GIMAP7: variants seen among roughly 807,000 people sequenced by gnomAD.
GIMAP7 encodes the protein GTPase, IMAP family member 7, also known as GTPase IMAP family member 7.
For synonymous variants in GIMAP7, 137 were observed against 129.3 expected (o/e 1.06, Z -0.40); for missense variants, 323 against 359.7 (o/e 0.90, Z 0.83).
intron 1 of GIMAP7, among the ~76,000 whole-genome samples, chr7:150,516,585 T>A (rs74866353): frequency 0.015 from 2,316 of 152,374 alleles, 18 homozygotes; most frequent in Non-Finnish European, 0.022. Context: ...TCATAATTTT[T>A]AAAATTGTTT....
chr7:150,516,940 G>A (rs2116661662), intron 1 of GIMAP7, among the ~76,000 whole-genome samples: 1 of 152,198 alleles, frequency 6.6e-6, no homozygotes, highest in East Asian at 1.9e-4. Flanking sequence ...CTCTCTTTTT[G>A]TGATGTTAGC....
chr7:150,515,704 C>T (rs955553884), intron 1 of GIMAP7, among the ~76,000 whole-genome samples: 2 of 151,924 alleles, frequency 1.3e-5, no homozygotes, highest in African/African-American at 4.8e-5. Context: ...GCTGGAGGTC[C>T]TCTGGATCTT....
chr7:150,515,846 C>T (rs553352872), intron 1 of GIMAP7, among the ~76,000 whole-genome samples: 16 of 152,282 alleles, frequency 1.1e-4, no homozygotes, highest in African/African-American at 3.6e-4. Flanking sequence ...GCCCTCCTCA[C>T]GGTTCCCTTA....
intron 1 of GIMAP7, among the ~76,000 whole-genome samples, chr7:150,518,825 G>A (rs1313407503): frequency 1.3e-5 from 2 of 151,992 alleles, no homozygotes; most frequent in Non-Finnish European, 1.5e-5. Flanking sequence ...GATAGTTTTT[G>A]CATTCAAATT....
Position 150,520,715 on chromosome 7 carries a change from G to T in GIMAP7, c.741G>T (p.Glu247Asp), listed in dbSNP as rs749072092. Residue 247 changes from glutamate (E) to aspartate (D), a missense_variant, in exon 2 of 2, where the codon GAG becomes GAT. By Grantham distance (45) the Glu-to-Asp change is conservative. Transcript: ENST00000313543. ...EDKHKSEEEK[E>D]KEIKLLKLKY... Reference sequence around the variant, plus strand: ...AGCATAAATCAGAGGAAGAAAAGGAGAAAGAAATTAAATTACTAAAATTAA... The same window carrying T: ...AGCATAAATCAGAGGAAGAAAAGGATAAAGAAATTAAATTACTAAAATTAA... 1 of 1,531,356 alleles carries T rather than the reference G, an allele frequency of 6.5e-7. No homozygotes were observed. The highest frequency in any genetic ancestry group is 8.9e-7 in the Non-Finnish European group (1 of 1,125,332). 94.9% of individuals were successfully genotyped at this position (1,531,356 alleles called of 1,614,324 possible).
intron 1 of GIMAP7, among the ~76,000 whole-genome samples, chr7:150,516,259 AT>A (rs1270436135): frequency 1.3e-5 from 2 of 152,168 alleles, no homozygotes; most frequent in Non-Finnish European, 2.9e-5. Context: ...ACATGGGTTA[AT>A]TTTTTTATTT....
Position 150,520,932 on chromosome 7 carries a change from TA to T in GIMAP7, c.*56del. 1.2e-6 allele frequency: 1 copy of T among 855,380 alleles called. No individual in the cohort carries two copies. The highest frequency in any genetic ancestry group is 1.7e-6 in the Non-Finnish European group (1 of 581,790). 53.0% of individuals were successfully genotyped at this position (855,380 alleles called of 1,614,324 possible). A position where few individuals can be genotyped will look rare whatever the true frequency, so the allele number is the denominator to read the frequency against. On this transcript the variant is annotated 3_prime_UTR_variant, in exon 2 of 2. Coordinates refer to ENST00000313543, the MANE Select transcript of GIMAP7 (RefSeq NM_153236.4). ...TATTTTGCAAAGATAGTTAGAGAAA[TA>T]CCTCCTTCCCCTTAGCTTTATTAAG...
chr7:150,520,610 G>C lies in GIMAP7; in HGVS notation c.636G>C (p.Arg212Ser), dbSNP rs115665615. 7 of 1,614,124 alleles carry C rather than the reference G, an allele frequency of 4.3e-6. No homozygotes were observed. The South Asian group carries it at 4.4e-5, about 10-fold the overall frequency. ...SDDIYKDTEE[R>S]LKQREEVLRK... is the part of the protein sequence containing the mutation. Reference sequence around the variant, plus strand: ...ACATATACAAGGACACAGAGGAAAGGCTGAAACAACGGGAAGAGGTTTTGA... The same window carrying C: ...ACATATACAAGGACACAGAGGAAAGCCTGAAACAACGGGAAGAGGTTTTGA... The change falls in exon 2 of 2, where the codon AGG becomes AGC. Residue 212 changes from arginine (R) to serine (S), a missense_variant. Arg to Ser is a moderately radical substitution (Grantham distance 110). Transcript: ENST00000313543.
rs60687169 is a variant in GIMAP7, at chr7:150,521,013, A to AATAT, written c.*150_*153dup. The stretch of plus-strand genomic sequence containing the variant: ...TTTAATGTATATAATGTGATTTTTA[A>AATAT]ATATATATATATATATACACACATT... On this transcript the variant is annotated 3_prime_UTR_variant, in exon 2 of 2. Coordinates refer to ENST00000313543, the MANE Select transcript of GIMAP7 (RefSeq NM_153236.4). The AATAT allele has an allele frequency of 0.016, 3,777 of 238,638 alleles. 126 individuals are homozygous for AATAT. Among genetic ancestry groups the AATAT allele is most frequent in the South Asian group, 0.086 (623 of 7,256 alleles). The allele number at this position is 238,638 out of a possible 1,614,324, so 14.8% of individuals were successfully genotyped here.
chr7:150,515,595 A>C (rs770021852), intron 1 of GIMAP7, among the ~76,000 whole-genome samples: 2 of 152,208 alleles, frequency 1.3e-5, no homozygotes, highest in African/African-American at 4.8e-5. Flanking sequence ...CTGGATCTCA[A>C]GGAGCTACGA....
At chr7:150,518,400 T>G (rs1253633461) in intron 1 of GIMAP7, among the ~76,000 whole-genome samples, 1 of 152,158 alleles carries the variant, frequency 6.6e-6, no homozygotes, top group Non-Finnish European at 1.5e-5. Context: ...AATAGTGATC[T>G]CTGAGAATTT....
intron 1 of GIMAP7, among the ~76,000 whole-genome samples, chr7:150,517,377 T>G (rs7808446): frequency 0.76 from 115,314 of 152,060 alleles, 43,893 homozygotes; most frequent in East Asian, 0.85. Context: ...AGTAATTTTT[T>G]ATAGCATCCC....
intron 1 of GIMAP7, among the ~76,000 whole-genome samples, 174 bp from the exon 2 acceptor site, chr7:150,519,760 C>A (rs1795167695): frequency 6.6e-6 from 1 of 152,178 alleles, no homozygotes; most frequent in Admixed American, 6.5e-5. Context: ...TAACTGCTTT[C>A]TCTATTATTT....
chr7:150,519,691 T>C (rs1403164938), intron 1 of GIMAP7, among the ~76,000 whole-genome samples: 1 of 152,202 alleles, frequency 6.6e-6, no homozygotes, highest in African/African-American at 2.4e-5. Flanking sequence ...CTTAAAAGGT[T>C]TAATAGAATT....
rs113207147 is a variant in GIMAP7, at chr7:150,517,599, TAC to T, written c.-41-2321_-41-2320del. On this transcript the variant is annotated intron_variant, in intron 1 of 1. Transcript: ENST00000313543. ...TCAAAACAGTACACACACACACACA[TAC>T]ACACACACACACAGTGAAATTATTA... is the stretch of plus-strand genomic sequence containing the variant. Among the ~76,000 whole-genome samples the T allele has an allele frequency of 1.3e-3, 200 of 150,632 alleles. 1 individual carries two copies. Among genetic ancestry groups the T allele is most frequent in the African/African-American group, 4.1e-3 (171 of 41,220 alleles).
chr7:150,517,283 CTT>C (rs1396578083), intron 1 of GIMAP7, among the ~76,000 whole-genome samples: 1 of 152,114 alleles, frequency 6.6e-6, no homozygotes, highest in Non-Finnish European at 1.5e-5. Flanking sequence ...TTGGAATAAT[CTT>C]TATTAATGAT....
chr7:150,519,430 A>C lies in GIMAP7; in HGVS notation c.-41-504A>C, dbSNP rs181738434. 2.3e-3 allele frequency among the ~76,000 whole-genome samples: 353 copies of C among 152,304 alleles called. 1 individual carries two copies. Among genetic ancestry groups the C allele is most frequent in the Non-Finnish European group, 4.0e-3 (269 of 67,998 alleles). On this transcript the variant is annotated intron_variant, in intron 1 of 1. Transcript: ENST00000313543. ...ATGTGTTGTAACAATCAACATTCTC[A>C]TATTGACCCACCATAGTATTTCTGA...
At chr7:150,515,936 C>A (rs1795133299) in intron 1 of GIMAP7, among the ~76,000 whole-genome samples, 1 of 152,160 alleles carries the variant, frequency 6.6e-6, no homozygotes, top group Non-Finnish European at 1.5e-5. Flanking sequence ...ATCTCTGTGC[C>A]ATGTCAATGA....
intron 1 of GIMAP7, among the ~76,000 whole-genome samples, chr7:150,515,572 A>T (rs759633400): frequency 6.6e-5 from 10 of 152,188 alleles, no homozygotes; most frequent in Non-Finnish European, 1.5e-4. Context: ...TTCCTTTTTT[A>T]TAGCAGAGGG....
Sources: allele counts gnomAD v4.1 joint callset (sites outside exome capture counted in the v4.1 genomes callset), GRCh38; gene constraint gnomAD v4.1.1; transcripts MANE v1.5; gene names NCBI Gene and HGNC (gene_info 2026-07-23, HGNC 2026-07-21).